ABCA1: variants seen among roughly 807,000 people sequenced by gnomAD.
ABCA1 encodes ATP binding cassette subfamily A member 1.
In ABCA1, 133 loss-of-function variants were observed where a neutral mutation model predicts 262.5. The ratio of observed to expected loss-of-function variants is 0.51; its 90% confidence interval spans 0.44 to 0.59. ABCA1 has a LOEUF of 0.59. Ranked by LOEUF, ABCA1 falls within the 20% of genes least tolerant of loss-of-function variation. ABCA1 has a pLI of 0.00. For synonymous variants in ABCA1, 1,022 were observed against 1,043.5 expected, an observed-to-expected ratio of 0.98 and a Z score of 0.40; for missense variants, 2,452 against 2,777.5, an observed-to-expected ratio of 0.88 and a Z score of 2.63.
chr9:104,806,269 G>T lies in ABCA1; in HGVS notation c.4436C>A (p.Pro1479Gln). ...KIKKMLPVCPPGAGGLPPPQR... is the reference protein window; with the variant it reads ...KIKKMLPVCPQGAGGLPPPQR... ...TGGAGGAGGCAGCCCCCCTGCCCCT[G>T]GGGGACACACAGGCAGCATCTTCTT... The change falls in exon 31 of 50, where the codon CCA (proline) becomes CAA (glutamine). Residue 1479 changes from proline (P) to glutamine (Q), a missense_variant. Physicochemically the swap from Pro to Gln is moderately conservative, Grantham distance 76. This residue lies in a region of ABCA1 where 665 missense variants were observed against 727.3 expected (regional missense o/e 0.91). Coordinates refer to ENST00000374736, the MANE Select transcript of ABCA1 (RefSeq NM_005502.4). 2 of 1,613,586 alleles carry T rather than the reference G, an allele frequency of 1.2e-6. No homozygotes were observed. The highest frequency in any genetic ancestry group is 1.7e-6 in the Non-Finnish European group (2 of 1,180,010).
At chr9:104,856,386 A>C (rs146189513) in intron 7 of ABCA1, among the ~76,000 whole-genome samples, 70 of 152,294 alleles carry the variant, frequency 4.6e-4, no homozygotes, top group Non-Finnish European at 7.5e-4. Context: ...AACCCGAGAT[A>C]TGCAGAAAGC....
chr9:104,819,989 T>C lies in ABCA1; in HGVS notation c.3041A>G (p.Gln1014Arg). The C allele has an allele frequency of 6.2e-7, 1 of 1,614,170 alleles. No individual in the cohort carries two copies. The highest frequency in any genetic ancestry group is 8.5e-7 in the Non-Finnish European group (1 of 1,180,030). The change falls in exon 21 of 50, where the codon CAG becomes CGG. Residue 1014 changes from glutamine to arginine, a missense_variant. Gln to Arg is a conservative substitution (Grantham distance 43). Transcript: ENST00000374736. ...TGGCAAACCAACATCCAGGGCCATC[T>C]GCTCCATCTCCGCCTTCACGTGCTT... Reference protein sequence around the residue: ...SEKHVKAEMEQMALDVGLPSS... With the variant: ...SEKHVKAEMERMALDVGLPSS...
chr9:104,829,118 C>G lies in ABCA1; in HGVS notation c.1913G>C (p.Arg638Pro). 1 of 1,614,152 alleles carries G rather than the reference C, an allele frequency of 6.2e-7. No homozygotes were observed. The highest frequency in any genetic ancestry group is 8.5e-7 in the Non-Finnish European group (1 of 1,180,036). Residue 638 changes from arginine to proline, a missense_variant, in exon 15 of 50, where the codon CGG becomes CCG. Physicochemically the swap from Arg to Pro is moderately radical, Grantham distance 103. Coordinates refer to ENST00000374736, the MANE Select transcript of ABCA1 (RefSeq NM_005502.4). ...CAGCGTCATGAAGAGGGGCATTGAC[C>G]GGCTCATCACCCGCAGAAAGCTGGA... Reference protein sequence around the residue: ...VDDIFLRVMSRSMPLFMTLAW... With the variant: ...VDDIFLRVMSPSMPLFMTLAW...
chr9:104,784,133 C>A lies in ABCA1; in HGVS notation c.*182G>T. 1.4e-6 allele frequency: 1 copy of A among 710,932 alleles called. No individual in the cohort carries two copies. The highest frequency in any genetic ancestry group is 2.3e-6 in the Non-Finnish European group (1 of 429,796). The allele number at this position is 710,932 out of a possible 1,614,324, so 44.0% of individuals were successfully genotyped here. On this transcript the variant is annotated 3_prime_UTR_variant, in exon 50 of 50. Transcript: ENST00000374736. Reference sequence around the variant, plus strand: ...CAAGACATAGGCTACAAAGGCACTGCCCCTGTAATGGAATTTTGTTTTCAT... The same window carrying A: ...CAAGACATAGGCTACAAAGGCACTGACCCTGTAATGGAATTTTGTTTTCAT...
chr9:104,818,076 T>C (rs903426416), intron 23 of ABCA1, among the ~76,000 whole-genome samples: 2 of 152,036 alleles, frequency 1.3e-5, no homozygotes, highest in Non-Finnish European at 2.9e-5. Flanking sequence ...CAGCTACCAA[T>C]TCCCTACAAG....
intron 5 of ABCA1, among the ~76,000 whole-genome samples, chr9:104,874,337 A>G (rs1409675781): frequency 1.3e-5 from 2 of 152,130 alleles, no homozygotes; most frequent in Admixed American, 6.5e-5. Flanking sequence ...CATGGCAAAC[A>G]TGGTCAGGAG....
chr9:104,810,670 A>G (rs1054517158), intron 29 of ABCA1, 130 bp downstream of exon 29: 3 of 1,425,376 alleles, frequency 2.1e-6, no homozygotes, highest in South Asian at 2.3e-5. Flanking sequence ...ATTAGCTTAT[A>G]CAGGGACCTG....
At position 104,887,617 on chromosome 9, in the gene ABCA1, C is replaced by T. The variant is rs77546802; in HGVS notation, c.160+1485G>A. 7.6e-3 allele frequency among the ~76,000 whole-genome samples: 1,153 copies of T among 151,570 alleles called. 11 individuals are homozygous for T. Among genetic ancestry groups the T allele is most frequent in the African/African-American group, 0.026 (1,063 of 41,270 alleles). ...GCTTGGCATAATGCTTAAATAAAAT[C>T]TAAAATGTATTTGCTCATCAATCAA... On this transcript the variant is annotated intron_variant, in intron 3 of 49. Transcript: ENST00000374736.
intron 1 of ABCA1, among the ~76,000 whole-genome samples, chr9:104,913,572 T>C (rs1841628621): frequency 6.6e-6 from 1 of 152,158 alleles, no homozygotes; most frequent in East Asian, 1.9e-4. Context: ...GAAAGGGCCT[T>C]TCCAGAGCAA....
At chr9:104,801,056 C>T (rs974400272) in intron 34 of ABCA1, among the ~76,000 whole-genome samples, 15 of 149,294 alleles carry the variant, frequency 1.0e-4, no homozygotes, top group Admixed American at 1.3e-4. Context: ...AAATGGGAAA[C>T]CTGAGACACA....
At chr9:104,914,870 C>T (rs1311755422) in intron 1 of ABCA1, among the ~76,000 whole-genome samples, 1 of 152,148 alleles carries the variant, frequency 6.6e-6, no homozygotes, top group Non-Finnish European at 1.5e-5. Context: ...GATTTTTCCT[C>T]AAAGCCTCTC....
chr9:104,799,549 T>A, intron 36 of ABCA1: 1 of 981,892 alleles, frequency 1.0e-6, no homozygotes, highest in African/African-American at 1.7e-5. Context: ...AATTATAATT[T>A]AATTAACAAT....
chr9:104,905,852 A>G (rs957573557), intron 1 of ABCA1, among the ~76,000 whole-genome samples: 1 of 152,196 alleles, frequency 6.6e-6, no homozygotes, highest in Non-Finnish European at 1.5e-5. Context: ...GGACAATTAA[A>G]AAAGGAAAAC....
intron 2 of ABCA1, among the ~76,000 whole-genome samples, chr9:104,899,998 A>G (rs1358688861): frequency 1.3e-5 from 2 of 152,160 alleles, no homozygotes; most frequent in African/African-American, 4.8e-5. Context: ...ACTCAATTCA[A>G]TTTATTCTTT....
In ABCA1 at chr9:104,781,095, T is replaced by C. The variant is rs10991377; in HGVS notation, c.*3220A>G. On this transcript the variant is annotated 3_prime_UTR_variant, in exon 50 of 50. Transcript: ENST00000374736. ...CATTTTAATACTTCATATAAAGTTA[T>C]TGACATACAAAATTTTTTTTCTTTT... 0.028 allele frequency: 4,281 copies of C among 152,752 alleles called. 94 individuals carry two copies. Among genetic ancestry groups the C allele is most frequent in the Non-Finnish European group, 0.042 (2,877 of 68,012 alleles). The allele number at this position is 152,752 out of a possible 1,614,324, so 9.5% of individuals were successfully genotyped here. A position where few individuals can be genotyped will look rare whatever the true frequency, so the allele number is the denominator to read the frequency against.
chr9:104,817,484 C>T lies in ABCA1; in HGVS notation c.3463-80G>A, dbSNP rs900339224. ...CCAGCACCTTCGCCGGGGAGGGCTT[C>T]CAAGAAGCTCTGTTGTGTGAGAACT... On this transcript the variant is annotated intron_variant, in intron 23 of 49. Coordinates refer to ENST00000374736, the MANE Select transcript of ABCA1 (RefSeq NM_005502.4). The surrounding 1 kb of genome is among the most constrained non-coding windows in gnomAD (Gnocchi z 4.7). 31 of 1,446,684 alleles carry T rather than the reference C, an allele frequency of 2.1e-5. No homozygotes were observed. The highest frequency in any genetic ancestry group is 1.7e-4 in the Middle Eastern group (1 of 5,780). The allele number at this position is 1,446,684 out of a possible 1,614,324, so 89.6% of individuals were successfully genotyped here.
rs529069003 is a variant in ABCA1, at chr9:104,894,342, T to C, written c.67-5147A>G. On this transcript the variant is annotated intron_variant, in intron 2 of 49. Transcript: ENST00000374736. ...GAAAAAAATGAATGGATCTTCCCCA[T>C]GGCAACTGACAGCAAAGGGCAAACA... Among the ~76,000 whole-genome samples, 270 of 152,172 alleles carry C rather than the reference T, an allele frequency of 1.8e-3. 1 individual carries two copies. Among genetic ancestry groups the C allele is most frequent in the South Asian group, 7.3e-3 (35 of 4,822 alleles).
At chr9:104,791,828 A>G (rs1487404248) in intron 43 of ABCA1, 108 bp downstream of exon 43, 2 of 1,070,920 alleles carry the variant, frequency 1.9e-6, no homozygotes, top group Non-Finnish European at 2.8e-6. Context: ...GCATAAATAC[A>G]GAAGCCTTTA....
intron 2 of ABCA1, among the ~76,000 whole-genome samples, chr9:104,898,267 C>A (rs1840376963): frequency 6.6e-6 from 1 of 151,954 alleles, no homozygotes; most frequent in African/African-American, 2.4e-5. Flanking sequence ...AAATTAAATT[C>A]TCAGGGGGCA....
Sources: gnomAD v4.1 joint callset for allele counts (sites outside exome capture counted in the v4.1 genomes callset) on GRCh38, gnomAD v4.1.1 for gene constraint, gnomAD v4.1.1 regional missense constraint, Gnocchi (gnomAD v3.1) non-coding constraint, MANE v1.5 for transcripts, NCBI Gene and HGNC (gene_info 2026-07-23, HGNC 2026-07-21) for gene names.